The following RGPD2 variants were observed in gnomAD, a reference collection of about 807,000 sequenced individuals.
RGPD2 encodes RANBP2 like and GRIP domain containing 2, also known as RANBP2-like and GRIP domain-containing protein 2.
Under a neutral mutation model 36.0 loss-of-function variants are expected in RGPD2, and 2 were observed. The ratio of observed to expected loss-of-function variants is 0.06; its 90% CI spans 0.02 to 0.17. RGPD2 has a LOEUF of 0.17. Among genes scored for constraint, RGPD2 ranks in the 10% least tolerant of loss-of-function variants. The probability of loss-of-function intolerance (pLI) is 1.00; values close to 1 mark genes in which losing one functional copy is unlikely to be tolerated. For missense variants in RGPD2, 40 were observed against 464.3 expected (o/e 0.09, Z 8.40); for synonymous variants, 19 against 163.8 (o/e 0.12, Z 6.75).
the RGPD2 span, among the ~76,000 whole-genome samples, chr2:87,987,886 T>C: frequency 1.2e-5 from 1 of 83,708 alleles, no homozygotes; most frequent in African/African-American, 4.4e-5. Context: ...AGGGGTAAGA[T>C]TTTTTGTTTT....
the RGPD2 span, among the ~76,000 whole-genome samples, chr2:87,932,720 G>A: frequency 1.3e-5 from 2 of 151,914 alleles, no homozygotes; most frequent in African/African-American, 4.8e-5. Context: ...AACTTAGTTT[G>A]GCCAGATATA....
chr2:87,836,846 C>T, the RGPD2 span, among the ~76,000 whole-genome samples: 1 of 152,196 alleles, frequency 6.6e-6, no homozygotes, highest in East Asian at 1.9e-4. Flanking sequence ...AGCCATCTGA[C>T]ATGCAATGAC....
chr2:87,945,320 C>A, the RGPD2 span, among the ~76,000 whole-genome samples: 1 of 150,386 alleles, frequency 6.6e-6, no homozygotes, highest in Non-Finnish European at 1.5e-5. Context: ...TAATGCCATG[C>A]AAGAAAGCAA....
chr2:87,825,356 T>C (rs1305374654), intron 1 of RGPD2, among the ~76,000 whole-genome samples: 2 of 146,056 alleles, frequency 1.4e-5, no homozygotes, highest in Non-Finnish European at 3.0e-5. Flanking sequence ...ACTAATCTTC[T>C]CGGGCTCCTA....
chr2:87,853,232 T>A, the RGPD2 span, among the ~76,000 whole-genome samples: 2 of 151,422 alleles, frequency 1.3e-5, no homozygotes, highest in East Asian at 3.9e-4. Context: ...TTTGACTCTA[T>A]TTTTTTAAGA....
chr2:87,809,496 G>A (rs1262736092), intron 6 of RGPD2, among the ~76,000 whole-genome samples: 5 of 137,126 alleles, frequency 3.6e-5, no homozygotes, highest in Admixed American at 7.5e-5. Flanking sequence ...GTGACACTCC[G>A]TCTCTACTAA....
At chr2:87,943,325 G>T in the RGPD2 span, among the ~76,000 whole-genome samples, 2 of 145,260 alleles carry the variant, frequency 1.4e-5, no homozygotes, top group Non-Finnish European at 1.5e-5. Flanking sequence ...ATCTCATTGT[G>T]GTATTAATTT....
At chr2:87,934,359 T>A in the RGPD2 span, among the ~76,000 whole-genome samples, 2 of 145,928 alleles carry the variant, frequency 1.4e-5, no homozygotes, top group Non-Finnish European at 3.0e-5. Context: ...GTATCCTTAG[T>A]CATATATACA....
At chr2:87,769,741 A>G (rs1451093763) in intron 22 of RGPD2, among the ~76,000 whole-genome samples, 1 of 151,498 alleles carries the variant, frequency 6.6e-6, no homozygotes, top group East Asian at 2.0e-4. Context: ...GGTTAATTTT[A>G]TAACTATAAA....
At chr2:87,886,241 C>T in the RGPD2 span, among the ~76,000 whole-genome samples, 6 of 151,798 alleles carry the variant, frequency 4.0e-5, no homozygotes, top group Admixed American at 1.3e-4. Flanking sequence ...CAGATATCCT[C>T]ATGACTTTCC....
the RGPD2 span, among the ~76,000 whole-genome samples, chr2:87,910,617 C>T: frequency 6.6e-6 from 1 of 152,142 alleles, no homozygotes; most frequent in Non-Finnish European, 1.5e-5. Context: ...ACTGATTTCG[C>T]ATCTTTGGAT....
intron 22 of RGPD2, among the ~76,000 whole-genome samples, chr2:87,768,983 TGAGATAAGAG>T (rs1558717157): frequency 2.3e-3 from 19 of 8,264 alleles, no homozygotes; most frequent in African/African-American, 5.9e-3. Flanking sequence ...TTTTTTTTTT[TGAGATAAGAG>T]TTTTGCTCTT....
the RGPD2 span, among the ~76,000 whole-genome samples, chr2:87,837,841 TAAG>T: frequency 2.2e-5 from 2 of 89,406 alleles, no homozygotes; most frequent in Non-Finnish European, 4.4e-5. Context: ...ATGGGAAAAA[TAAG>T]AAGATTTAAA....
intron 7 of RGPD2, among the ~76,000 whole-genome samples, chr2:87,806,022 G>C (rs1685942964): frequency 6.6e-6 from 1 of 151,178 alleles, no homozygotes; most frequent in Non-Finnish European, 1.5e-5. Context: ...AATTAGCTGG[G>C]CTTGGTAGCA....
the RGPD2 span, among the ~76,000 whole-genome samples, chr2:87,858,422 T>C: frequency 6.6e-6 from 1 of 151,766 alleles, no homozygotes. Flanking sequence ...AAAAAGCTTT[T>C]GCTGCTTTTT....
chr2:87,877,159 T>C, the RGPD2 span, among the ~76,000 whole-genome samples: 2 of 152,114 alleles, frequency 1.3e-5, no homozygotes, highest in South Asian at 4.1e-4. Context: ...TTTATCTAGC[T>C]TGCCATTCTG....
chr2:87,986,965 A>G, the RGPD2 span, among the ~76,000 whole-genome samples: 1 of 143,424 alleles, frequency 7.0e-6, no homozygotes, highest in Non-Finnish European at 1.5e-5. Context: ...CAGTAAATAT[A>G]TAATATTCAA....
the RGPD2 span, among the ~76,000 whole-genome samples, chr2:87,951,355 G>A: frequency 6.6e-6 from 1 of 151,502 alleles, no homozygotes; most frequent in African/African-American, 2.4e-5. Context: ...ATTAGAACAA[G>A]AAAGTAGCAA....
upstream of RGPD2, among the ~76,000 whole-genome samples, chr2:87,828,342 T>A: frequency 1.0e-5 from 1 of 98,934 alleles, no homozygotes; most frequent in East Asian, 2.8e-4. Context: ...TATGTATGTG[T>A]GTATTTGCTT....
Sources: gnomAD v4.1 joint callset for allele counts (sites outside exome capture counted in the v4.1 genomes callset) on GRCh38, gnomAD v4.1.1 for gene constraint, MANE v1.5 for transcripts, NCBI Gene and HGNC (gene_info 2026-07-23, HGNC 2026-07-21) for gene names.